The following RASEF variants were observed in gnomAD, a reference collection of about 807,000 sequenced individuals.
RASEF encodes the protein ras and EF-hand domain-containing protein.
A neutral mutation model predicts 90.1 loss-of-function variants in RASEF; 68 were observed. The observed-to-expected ratio is 0.75, with a 90% CI of 0.62 to 0.92. RASEF has a LOEUF of 0.92. Among genes scored for constraint, RASEF ranks in the 40% least tolerant of loss-of-function variants. RASEF has a pLI of 0.00. For synonymous variants in RASEF, 331 were observed against 345.2 expected (o/e 0.96, Z 0.46); for missense variants, 949 against 937.2 (o/e 1.01, Z -0.16).
At chr9:83,009,508 T>C (rs1720033762) in intron 6 of RASEF, 133 bp downstream of exon 6, 1 of 513,686 alleles carries the variant, frequency 1.9e-6, no homozygotes, top group Non-Finnish European at 3.4e-6. Flanking sequence ...ATACTGAAAA[T>C]AAAATCATTA....
chr9:83,107,457 A>G, the RASEF span, among the ~76,000 whole-genome samples: 1 of 152,168 alleles, frequency 6.6e-6, no homozygotes, highest in Non-Finnish European at 1.5e-5. Context: ...CTATGCAGTC[A>G]TCACCTCCTC....
chr9:83,214,201 CG>C, the RASEF span, among the ~76,000 whole-genome samples: 1 of 152,062 alleles, frequency 6.6e-6, no homozygotes. Context: ...GCCTGGCCAA[CG>C]GGGAAACCCC....
At chr9:83,193,642 T>C in the RASEF span, among the ~76,000 whole-genome samples, 1 of 152,220 alleles carries the variant, frequency 6.6e-6, no homozygotes, top group Non-Finnish European at 1.5e-5. Context: ...TGGAGATACA[T>C]ATTAATATCT....
the RASEF span, among the ~76,000 whole-genome samples, chr9:83,156,858 T>C: frequency 6.6e-6 from 1 of 152,242 alleles, no homozygotes; most frequent in African/African-American, 2.4e-5. Flanking sequence ...GGTTCTGTCA[T>C]GATTTTGTCT....
At chr9:83,003,963 T>C (rs1829083410) in intron 9 of RASEF, among the ~76,000 whole-genome samples, 2 of 152,208 alleles carry the variant, frequency 1.3e-5, no homozygotes, top group African/African-American at 4.8e-5. Context: ...AATATTTCAG[T>C]TCATTTGATT....
chr9:83,136,203 C>A, the RASEF span, among the ~76,000 whole-genome samples: 2 of 151,966 alleles, frequency 1.3e-5, no homozygotes, highest in Non-Finnish European at 2.9e-5. Context: ...TTATAGAATT[C>A]TTTATAGTTA....
At chr9:83,182,311 G>C in the RASEF span, among the ~76,000 whole-genome samples, 1 of 152,140 alleles carries the variant, frequency 6.6e-6, no homozygotes, top group East Asian at 1.9e-4. Context: ...CCCTGACACT[G>C]TCACAAAAAC....
chr9:83,177,807 TATTATTTCTTCTAGCC>T, the RASEF span, among the ~76,000 whole-genome samples: 1 of 152,114 alleles, frequency 6.6e-6, no homozygotes, highest in Non-Finnish European at 1.5e-5. Context: ...TTTGGGAAGT[TATTATTTCTTCTAGCC>T]ATTATTTCTT....
intron 1 of RASEF, among the ~76,000 whole-genome samples, chr9:83,047,007 C>T (rs1313485544): frequency 6.6e-6 from 1 of 152,130 alleles, no homozygotes; most frequent in East Asian, 1.9e-4. Flanking sequence ...TGAGCATGTG[C>T]CATACTTTTA....
intron 1 of RASEF, among the ~76,000 whole-genome samples, chr9:83,026,314 T>C (rs1829547798): frequency 6.6e-6 from 1 of 152,132 alleles, no homozygotes; most frequent in African/African-American, 2.4e-5. Flanking sequence ...TAACAGTGGG[T>C]GTATTAGTCC....
chr9:82,997,616 C>T (rs1433064493), intron 13 of RASEF, among the ~76,000 whole-genome samples: 1 of 152,176 alleles, frequency 6.6e-6, no homozygotes, highest in African/African-American at 2.4e-5. Flanking sequence ...AGGAGATTCA[C>T]CTTGGGAAGA....
chr9:83,032,439 A>C (rs1829664237), intron 1 of RASEF, among the ~76,000 whole-genome samples: 2 of 152,228 alleles, frequency 1.3e-5, no homozygotes, highest in Non-Finnish European at 1.5e-5. Context: ...TAGGGAAAGA[A>C]AGATTAAGGA....
chr9:83,131,805 T>C, the RASEF span, among the ~76,000 whole-genome samples: 1 of 152,164 alleles, frequency 6.6e-6, no homozygotes, highest in Non-Finnish European at 1.5e-5. Flanking sequence ...CCTTTTAATA[T>C]AGTCAGCCCA....
chr9:83,195,360 G>A, the RASEF span, among the ~76,000 whole-genome samples: 1 of 152,186 alleles, frequency 6.6e-6, no homozygotes, highest in South Asian at 2.1e-4. Flanking sequence ...ATGATTAGTT[G>A]TCTGACAGTC....
rs750044289 is a variant in RASEF, at chr9:83,022,367, A to G, written c.638T>C (p.Ile213Thr). The change falls in exon 3 of 17, where the codon ATT (isoleucine) becomes ACT (threonine). Residue 213 changes from isoleucine to threonine, a missense_variant. Ile to Thr is a moderately conservative substitution (Grantham distance 89). Coordinates refer to ENST00000376447, the MANE Select transcript of RASEF (RefSeq NM_152573.4). ...CCGTGTCTTATGTTCTGCAGCCTGAATCCTCTGATCCATTTCCTCTTCCAA... is the reference window on the plus strand; with the variant it reads ...CCGTGTCTTATGTTCTGCAGCCTGAGTCCTCTGATCCATTTCCTCTTCCAA... Reference protein sequence around the residue: ...SELEEEMDQRIQAAEHKTRKD... With the variant: ...SELEEEMDQRTQAAEHKTRKD... The G allele has an allele frequency of 6.2e-7, 1 of 1,614,024 alleles. No individual in the cohort carries two copies. The highest frequency in any genetic ancestry group is 1.1e-5 in the South Asian group (1 of 91,066).
At chr9:83,032,140 T>C (rs889007130) in intron 1 of RASEF, among the ~76,000 whole-genome samples, 1 of 152,128 alleles carries the variant, frequency 6.6e-6, no homozygotes, top group African/African-American at 2.4e-5. Flanking sequence ...GGTGCCAAGA[T>C]AATTTTTGTT....
At chr9:83,190,376 G>A in the RASEF span, among the ~76,000 whole-genome samples, 5 of 151,998 alleles carry the variant, frequency 3.3e-5, no homozygotes, top group African/African-American at 1.2e-4. Flanking sequence ...AGAGACCTAT[G>A]AGTTATCTAT....
the RASEF span, among the ~76,000 whole-genome samples, chr9:83,112,191 A>G: frequency 6.6e-6 from 1 of 152,144 alleles, no homozygotes; most frequent in Non-Finnish European, 1.5e-5. Flanking sequence ...ACACTTTCAC[A>G]TTCTGGTGAA....
chr9:83,065,491 A>G (rs2117943110), upstream of RASEF, among the ~76,000 whole-genome samples: 1 of 152,324 alleles, frequency 6.6e-6, no homozygotes, highest in South Asian at 2.1e-4. Flanking sequence ...AGTGCTCTTC[A>G]AGCTTTAGCT....
Sources: allele counts gnomAD v4.1 joint callset (sites outside exome capture counted in the v4.1 genomes callset), GRCh38; gene constraint gnomAD v4.1.1; transcripts MANE v1.5; gene names NCBI Gene and HGNC (gene_info 2026-07-23, HGNC 2026-07-21).